The following EFHC1 variants were observed in gnomAD, a reference collection of about 807,000 sequenced individuals.
EFHC1 encodes the protein EF-hand domain-containing protein 1.
In EFHC1, 53 loss-of-function variants were observed where a neutral mutation model predicts 69.9. The ratio of observed to expected loss-of-function variants is 0.76; its 90% CI spans 0.61 to 0.95. The LOEUF (loss-of-function observed/expected upper bound fraction) is 0.95, where lower values mean the gene tolerates loss of function less well. EFHC1 is among the 40% of genes least tolerant of loss of function. EFHC1 has a pLI of 0.00. For missense variants in EFHC1, 739 were observed against 798.7 expected (o/e 0.93, Z 0.90); for synonymous variants, 256 against 278.4 (o/e 0.92, Z 0.80).
At chr6:52,420,948 G>C (rs1238934222) in intron 1 of EFHC1, 1 of 978,060 alleles carries the variant, frequency 1.0e-6, no homozygotes, top group East Asian at 8.1e-5. Context: ...CATTCCCACA[G>C]GTCCGTCATT....
chr6:52,447,113 C>T (rs1219206444), intron 3 of EFHC1, among the ~76,000 whole-genome samples: 1 of 152,158 alleles, frequency 6.6e-6, no homozygotes, highest in Non-Finnish European at 1.5e-5. Context: ...TAGCCTGCCT[C>T]ACTAGTTTGG....
chr6:52,448,153 A>G (rs1488750164), intron 3 of EFHC1, among the ~76,000 whole-genome samples: 2 of 152,232 alleles, frequency 1.3e-5, no homozygotes, highest in Non-Finnish European at 2.9e-5. Flanking sequence ...TTGTTCAGCT[A>G]TGCCCTGCCC....
intron 2 of EFHC1, among the ~76,000 whole-genome samples, chr6:52,435,447 A>T (rs1307028077): frequency 6.6e-6 from 1 of 152,184 alleles, no homozygotes; most frequent in African/African-American, 2.4e-5. Flanking sequence ...AAATTCAGTA[A>T]GTCTAAAATC....
At chr6:52,449,249 G>A (rs1334055241) in intron 3 of EFHC1, among the ~76,000 whole-genome samples, 3 of 152,074 alleles carry the variant, frequency 2.0e-5, no homozygotes, top group African/African-American at 7.2e-5. Context: ...CAGGCGTGGT[G>A]GCAGGCGCCT....
At chr6:52,476,043 A>T (rs989708504) in intron 7 of EFHC1, among the ~76,000 whole-genome samples, 1 of 152,176 alleles carries the variant, frequency 6.6e-6, no homozygotes, top group African/African-American at 2.4e-5. Flanking sequence ...AGAGAGCTTC[A>T]TGTAAGACCG....
Position 52,452,815 on chromosome 6 carries a change from A to G in EFHC1, c.701A>G (p.Gln234Arg). The G allele has an allele frequency of 6.2e-7, 1 of 1,614,200 alleles. No individual in the cohort carries two copies. Among genetic ancestry groups the G allele is most frequent in the Non-Finnish European group, 8.5e-7 (1 of 1,180,028 alleles). Residue 234 changes from glutamine to arginine, a missense_variant, in exon 4 of 11, where the codon CAA becomes CGA. Gln to Arg is a conservative substitution (Grantham distance 43). Coordinates refer to ENST00000371068, the MANE Select transcript of EFHC1 (RefSeq NM_018100.4). ...VTPSDFDQLKQFLTFDKQVLR... is the reference protein window; with the variant it reads ...VTPSDFDQLKRFLTFDKQVLR... ...CCATCAGACTTTGATCAACTCAAGC[A>G]ATTTCTCACCTTTGACAAACAGGTA...
intron 3 of EFHC1, among the ~76,000 whole-genome samples, chr6:52,448,787 C>G (rs1764849287): frequency 6.6e-6 from 1 of 152,084 alleles, no homozygotes; most frequent in Non-Finnish European, 1.5e-5. Flanking sequence ...TGGTTTCTGT[C>G]TCTAGTTTTG....
intron 9 of EFHC1, chr6:52,487,362 G>A (rs968671921): frequency 1.3e-5 from 2 of 152,170 alleles, no homozygotes; most frequent in Non-Finnish European, 2.9e-5. Flanking sequence ...CCTATTGTGT[G>A]TGTCTTTCCT....
At position 52,496,224 on chromosome 6, in the gene EFHC1, ACAAAG is replaced by A. The variant is rs1345905512; in HGVS notation, c.*3884_*3888del. 1.3e-5 allele frequency: 2 copies of A among 155,256 alleles called. No individual in the cohort carries two copies. Among genetic ancestry groups the A allele is most frequent in the African/African-American group, 4.8e-5 (2 of 41,360 alleles). The allele number at this position is 155,256 out of a possible 1,614,324, so 9.6% of individuals were successfully genotyped here. A position where few individuals can be genotyped will look rare whatever the true frequency, so the allele number is the denominator to read the frequency against. On this transcript the variant is annotated 3_prime_UTR_variant, in exon 11 of 11. Coordinates refer to ENST00000371068, the MANE Select transcript of EFHC1 (RefSeq NM_018100.4). ...CACACACACCCACACACACACACACACAAAGAGAGAATGAGAATTATTAAGATTAG... is the reference window on the plus strand; with the variant it reads ...CACACACACCCACACACACACACACAAGAGAATGAGAATTATTAAGATTAG...
rs541481945 is a variant in EFHC1, at chr6:52,465,700, G to A, written c.1137+585G>A. ...TGCGCACCTGTAATCCCAGCTCCTC[G>A]GGAGGCTGAGGCATGAGGATCACTT... is the stretch of plus-strand genomic sequence containing the variant. On this transcript the variant is annotated intron_variant, in intron 6 of 10. Coordinates refer to ENST00000371068, the MANE Select transcript of EFHC1 (RefSeq NM_018100.4). Among the ~76,000 whole-genome samples the A allele has an allele frequency of 6.6e-5, 10 of 151,380 alleles. No homozygotes were observed. The East Asian group carries it at 7.7e-4, about 12-fold the overall frequency.
intron 9 of EFHC1, chr6:52,486,147 C>T (rs1460676362): frequency 1.3e-5 from 2 of 152,334 alleles, no homozygotes; most frequent in Non-Finnish European, 2.9e-5. Flanking sequence ...GAAAGGGGAT[C>T]ATGAGTACTT....
At chr6:52,478,314 T>C (rs1265830565) in intron 7 of EFHC1, among the ~76,000 whole-genome samples, 2 of 152,030 alleles carry the variant, frequency 1.3e-5, no homozygotes, top group Non-Finnish European at 2.9e-5. Flanking sequence ...TTGGGAGATA[T>C]ACCTAATGCT....
chr6:52,483,900 A>C (rs1037451908), intron 9 of EFHC1: 3 of 152,196 alleles, frequency 2.0e-5, no homozygotes, highest in Non-Finnish European at 4.4e-5. Context: ...GATTTAAGAG[A>C]GAATGGGAGA....
chr6:52,454,589 A>G (rs774693468), intron 5 of EFHC1, among the ~76,000 whole-genome samples: 1 of 152,124 alleles, frequency 6.6e-6, no homozygotes, highest in African/African-American at 2.4e-5. Context: ...TTTTTAATGC[A>G]TTTTTCAAAC....
chr6:52,455,588 A>C (rs925364879), intron 5 of EFHC1, among the ~76,000 whole-genome samples: 2 of 151,816 alleles, frequency 1.3e-5, no homozygotes, highest in Non-Finnish European at 2.9e-5. Context: ...CGGGAGGTGG[A>C]GGTTGTGGCG....
intron 3 of EFHC1, among the ~76,000 whole-genome samples, chr6:52,443,618 G>A (rs1424008206): frequency 1.3e-5 from 2 of 152,112 alleles, no homozygotes; most frequent in African/African-American, 4.8e-5. Flanking sequence ...TATTATTTCC[G>A]AGGGCTCTGT....
intron 4 of EFHC1, chr6:52,453,042 G>A: frequency 2.0e-6 from 3 of 1,521,188 alleles, no homozygotes; most frequent in East Asian, 2.5e-5. Context: ...ATCCAAAGAA[G>A]ATCGTGGAGT....
At chr6:52,488,155 A>G (rs1357781119) in intron 9 of EFHC1, 1 of 152,186 alleles carries the variant, frequency 6.6e-6, no homozygotes, top group Non-Finnish European at 1.5e-5. Context: ...TTAACTTTAT[A>G]TGTTTCATGG....
chr6:52,494,247 A>G lies in EFHC1; in HGVS notation c.*1906A>G. 4.4e-6 allele frequency: 2 copies of G among 454,144 alleles called. No homozygotes were observed. The highest frequency in any genetic ancestry group is 8.8e-6 in the Non-Finnish European group (2 of 226,798). 28.1% of individuals were successfully genotyped at this position (454,144 alleles called of 1,614,324 possible). ...CCATTGAAAGTTGGGGACTATCTGTATTTTAGAAGTTTTTTCAGCTTAAAA... is the reference window on the plus strand; with the variant it reads ...CCATTGAAAGTTGGGGACTATCTGTGTTTTAGAAGTTTTTTCAGCTTAAAA... On this transcript the variant is annotated 3_prime_UTR_variant, in exon 11 of 11. Coordinates refer to ENST00000371068, the MANE Select transcript of EFHC1 (RefSeq NM_018100.4).
Sources: gnomAD v4.1 joint callset for allele counts (sites outside exome capture counted in the v4.1 genomes callset) on GRCh38, gnomAD v4.1.1 for gene constraint, MANE v1.5 for transcripts, NCBI Gene and HGNC (gene_info 2026-07-23, HGNC 2026-07-21) for gene names.